CDH8: variants seen among roughly 807,000 people sequenced by gnomAD.
CDH8 encodes the protein cadherin-8.
In CDH8, 17 loss-of-function variants were observed where a neutral mutation model predicts 68.1. The observed-to-expected ratio is 0.25, with a 90% CI of 0.17 to 0.37. The LOEUF (loss-of-function observed/expected upper bound fraction) is 0.37, where lower values mean the gene tolerates loss of function less well. Among genes scored for constraint, CDH8 ranks in the 10% least tolerant of loss-of-function variants. The pLI, the probability that CDH8 is intolerant of heterozygous loss-of-function variation, is 1.00. For synonymous variants in CDH8, 372 were observed against 365.1 expected, an observed-to-expected ratio of 1.02 and a Z score of -0.21; for missense variants, 763 against 999.3, an observed-to-expected ratio of 0.76 and a Z score of 3.19.
intron 10 of CDH8, among the ~76,000 whole-genome samples, chr16:61,665,142 A>G (rs1255351306): frequency 6.6e-6 from 1 of 151,878 alleles, no homozygotes; most frequent in Admixed American, 6.6e-5. Flanking sequence ...GTGTCCTTAT[A>G]AGAAGAGACA....
chr16:61,838,819 T>A (rs1189433827), intron 4 of CDH8, among the ~76,000 whole-genome samples: 1 of 152,124 alleles, frequency 6.6e-6, no homozygotes, highest in Non-Finnish European at 1.5e-5. Context: ...AAATCTGACA[T>A]TTATGTTTTG....
intron 9 of CDH8, among the ~76,000 whole-genome samples, chr16:61,719,998 C>CACAA (rs879331029): frequency 0.014 from 1,156 of 84,532 alleles, 11 homozygotes; most frequent in Admixed American, 0.041. Flanking sequence ...TTAGGTAACA[C>CACAA]ACACACACAC....
At chr16:61,735,799 G>C (rs940620314) in intron 8 of CDH8, among the ~76,000 whole-genome samples, 3 of 152,074 alleles carry the variant, frequency 2.0e-5, no homozygotes, top group Non-Finnish European at 4.4e-5. Context: ...TGGAGGCCAG[G>C]AGCAGTGGCT....
At chr16:61,682,093 CAAA>C (rs765897808) in intron 10 of CDH8, among the ~76,000 whole-genome samples, 3 of 151,804 alleles carry the variant, frequency 2.0e-5, no homozygotes, top group Non-Finnish European at 4.4e-5. Context: ...TCTTCTATAA[CAAA>C]AAAAGATAAT....
At chr16:61,657,658 C>G (rs1963473717) in intron 10 of CDH8, among the ~76,000 whole-genome samples, 1 of 152,018 alleles carries the variant, frequency 6.6e-6, no homozygotes, top group Non-Finnish European at 1.5e-5. Flanking sequence ...GTACAAAGAA[C>G]ATTTCTGGAT....
chr16:61,845,502 T>TAAAAAAAAAAAAAAAAAAAAAA (rs749345691), intron 4 of CDH8, among the ~76,000 whole-genome samples: 1 of 117,726 alleles, frequency 8.5e-6, no homozygotes, highest in African/African-American at 3.1e-5. Flanking sequence ...TCCAGATATG[T>TAAAAAAAAAAAAAAAAAAAAAA]AAAAAAAAAA....
At chr16:61,666,056 T>C in intron 10 of CDH8, among the ~76,000 whole-genome samples, 1 of 151,942 alleles carries the variant, frequency 6.6e-6, no homozygotes, top group East Asian at 1.9e-4. Flanking sequence ...TCTCTGTCCC[T>C]CTCAGTCCCA....
chr16:61,782,571 C>A (rs1247720181), intron 8 of CDH8, among the ~76,000 whole-genome samples: 4 of 151,888 alleles, frequency 2.6e-5, no homozygotes, highest in African/African-American at 7.2e-5. Flanking sequence ...GAAGCTCGAA[C>A]TGGGTGGAGC....
intron 4 of CDH8, among the ~76,000 whole-genome samples, chr16:61,842,098 G>A (rs896275205): frequency 7.4e-5 from 11 of 147,690 alleles, no homozygotes; most frequent in African/African-American, 2.3e-4. Context: ...TAGTAGAGAC[G>A]GGATTTCACC....
intron 8 of CDH8, among the ~76,000 whole-genome samples, chr16:61,755,418 A>G (rs1332400122): frequency 6.6e-6 from 1 of 152,126 alleles, no homozygotes; most frequent in East Asian, 1.9e-4. Flanking sequence ...ATGTATAGCC[A>G]CGTATTGGCG....
rs191154283 is a variant in CDH8 at position 61,722,320 on chromosome 16, A to G, written c.1536+4774T>C. Among the ~76,000 whole-genome samples the G allele has an allele frequency of 2.0e-4, 30 of 150,928 alleles. No homozygotes were observed. The Middle Eastern group carries it at 0.014, about 68-fold the overall frequency. On this transcript the variant is annotated intron_variant, in intron 9 of 11. Coordinates refer to ENST00000577390, the MANE Select transcript of CDH8 (RefSeq NM_001796.5). ...TCAAAAATTTATTTGACAATACTAT[A>G]TAAAGTAGATCCCTGAGTTTTCTTT... is the stretch of plus-strand genomic sequence containing the variant.
chr16:61,824,432 G>A (rs78625904), intron 5 of CDH8, among the ~76,000 whole-genome samples: 12 of 151,890 alleles, frequency 7.9e-5, no homozygotes, highest in Admixed American at 1.3e-4. Flanking sequence ...GAAAGTGTTC[G>A]ATGAGAGTAA....
chr16:62,034,712 A>G, intron 1 of CDH8, among the ~76,000 whole-genome samples: 1 of 151,902 alleles, frequency 6.6e-6, no homozygotes, highest in East Asian at 1.9e-4. Flanking sequence ...TAAGGAGGAA[A>G]CTCTTGTGGA....
chr16:62,007,737 T>C (rs1901707724), intron 2 of CDH8, among the ~76,000 whole-genome samples: 1 of 152,088 alleles, frequency 6.6e-6, no homozygotes, highest in East Asian at 1.9e-4. Flanking sequence ...TCCATATGGC[T>C]TTTGTCTGCT....
chr16:61,700,580 A>G (rs1964407879), intron 10 of CDH8, among the ~76,000 whole-genome samples: 1 of 152,058 alleles, frequency 6.6e-6, no homozygotes, highest in Non-Finnish European at 1.5e-5. Flanking sequence ...CACCTGTCTT[A>G]TTTTTAGTTT....
intron 4 of CDH8, among the ~76,000 whole-genome samples, chr16:61,854,241 C>G (rs1963000536): frequency 2.6e-5 from 4 of 151,964 alleles, no homozygotes; most frequent in Non-Finnish European, 5.9e-5. Context: ...AGCTGAGACC[C>G]TGTAGCTGAA....
intron 9 of CDH8, 47 bp downstream of exon 9, chr16:61,727,047 C>A (rs376009677): frequency 5.0e-6 from 8 of 1,595,018 alleles, no homozygotes; most frequent in Middle Eastern, 1.7e-4. Flanking sequence ...AAATATGAGA[C>A]AGTTGTATAC....
Position 62,026,414 on chromosome 16 carries a change from C to T in CDH8, c.-199-4812G>A, listed in dbSNP as rs75413897. On this transcript the variant is annotated intron_variant, in intron 1 of 11. Transcript: ENST00000577390. ...TTACTGATTTGAAAACCACACTTTG[C>T]GAAGCAAGTAGTTCTACAGAAGACC... Among the ~76,000 whole-genome samples, 411 of 152,240 alleles carry T rather than the reference C, an allele frequency of 2.7e-3. 2 individuals are homozygous for T. Among genetic ancestry groups the T allele is most frequent in the African/African-American group, 9.4e-3 (389 of 41,550 alleles).
At chr16:61,985,214 T>C (rs974278956) in intron 2 of CDH8, among the ~76,000 whole-genome samples, 1 of 152,160 alleles carries the variant, frequency 6.6e-6, no homozygotes, top group African/African-American at 2.4e-5. Flanking sequence ...GAAATATTAT[T>C]TGGGAGTTAA....
Sources: gnomAD v4.1 joint callset for allele counts (sites outside exome capture counted in the v4.1 genomes callset) on GRCh38, gnomAD v4.1.1 for gene constraint, MANE v1.5 for transcripts, NCBI Gene and HGNC (gene_info 2026-07-23, HGNC 2026-07-21) for gene names.